Variants in HERC4 observed in about 807,000 individuals in gnomAD.
HERC4 encodes HECT and RLD domain containing E3 ubiquitin protein ligase 4.
A neutral mutation model predicts 124.3 loss-of-function variants in HERC4; 28 were observed. The ratio of observed to expected loss-of-function variants is 0.23; its 90% confidence interval spans 0.17 to 0.31. The LOEUF is 0.31. Ranked by LOEUF, HERC4 falls within the 10% of genes least tolerant of loss-of-function variation. HERC4 has a pLI of 1.00. For synonymous variants in HERC4, 407 were observed against 421.5 expected (o/e 0.97, Z 0.42); for missense variants, 713 against 1,229.3 (o/e 0.58, Z 6.28).
chr10:67,925,270 T>C, intron 23 of HERC4, 83 bp from the exon 24 acceptor site: 1 of 712,228 alleles, frequency 1.4e-6, no homozygotes, highest in South Asian at 2.1e-5. Flanking sequence ...GGTCCAGTAG[T>C]TTGCAACTTG....
Position 68,011,126 on chromosome 10 carries a change from G to C in HERC4, c.1069+2900C>G, listed in dbSNP as rs10997904. Among the ~76,000 whole-genome samples, 1,089 of 152,274 alleles carry C rather than the reference G, an allele frequency of 7.2e-3. 13 individuals carry two copies. The highest frequency in any genetic ancestry group is 0.01 in the Non-Finnish European group (708 of 68,030). ...CGCCCAGGCTGGAGTGCACTAGTAT[G>C]ATCATAGCTCACTGTAAACCTTCAA... On this transcript the variant is annotated intron_variant, in intron 9 of 24. Coordinates refer to ENST00000373700, the MANE Select transcript of HERC4 (RefSeq NM_015601.4).
At chr10:67,995,334 T>C (rs1372274587) in intron 9 of HERC4, 4 of 402,004 alleles carry the variant, frequency 1.0e-5, no homozygotes, top group South Asian at 1.6e-5. Flanking sequence ...CTTCATATTG[T>C]AGCTGAAGCA....
At chr10:68,034,265 A>T in intron 5 of HERC4, 79 bp from the exon 6 acceptor site, 1 of 991,812 alleles carries the variant, frequency 1.0e-6, no homozygotes. Flanking sequence ...TTTCATTTCA[A>T]ATTTCATATA....
chr10:67,970,307 A>T (rs1242545993), intron 15 of HERC4, among the ~76,000 whole-genome samples: 1 of 152,162 alleles, frequency 6.6e-6, no homozygotes, highest in African/African-American at 2.4e-5. Flanking sequence ...AATCAACTGA[A>T]CAGGCTGGGC....
chr10:68,043,638 A>AC (rs1319102615), intron 4 of HERC4, among the ~76,000 whole-genome samples: 2 of 151,960 alleles, frequency 1.3e-5, no homozygotes, highest in East Asian at 3.9e-4. Flanking sequence ...AACATGGTGA[A>AC]CCCCCATCTC....
At chr10:67,932,891 A>G (rs1286686413) in intron 22 of HERC4, 111 bp from the exon 23 acceptor site, 5 of 912,884 alleles carry the variant, frequency 5.5e-6, no homozygotes, top group Non-Finnish European at 8.0e-6. Flanking sequence ...CATATCTACG[A>G]AACTGAGAAT....
At chr10:67,988,862 TAA>T (rs774858406) in intron 14 of HERC4, 27 bp from the exon 15 acceptor site, 2 of 1,544,170 alleles carry the variant, frequency 1.3e-6, no homozygotes, top group African/African-American at 2.8e-5. Context: ...AACATGCAAA[TAA>T]AATGAATTTT....
At chr10:68,074,279 A>AT (rs1373505617) in intron 1 of HERC4, 1 of 152,210 alleles carries the variant, frequency 6.6e-6, no homozygotes, top group Non-Finnish European at 1.5e-5. Context: ...AGTCATCCAC[A>AT]TTCTTACAGA....
Position 67,922,976 on chromosome 10 carries a change from T to C in HERC4, c.3105A>G (p.Lys1035=), listed in dbSNP as rs201499570. The stretch of plus-strand genomic sequence containing the variant: ...CATTGTGATCAATAGCTTGGATCAG[T>C]TTAGAGCGTAGAGTTTCTTTTTCTG... ...KYTEKETLRS[K]LIQAIDHNEG... is the part of the protein sequence containing the mutation. Residue 1035 remains lysine (K), a synonymous_variant, in exon 25 of 25, where the codon AAA becomes AAG. Coordinates refer to ENST00000373700, the MANE Select transcript of HERC4 (RefSeq NM_015601.4). 3.1e-4 allele frequency: 497 copies of C among 1,613,770 alleles called. 2 individuals are homozygous for C. Among genetic ancestry groups the C allele is most frequent in the Middle Eastern group, 2.6e-3 (16 of 6,058 alleles).
At chr10:67,930,724 T>A (rs1452673172) in intron 23 of HERC4, among the ~76,000 whole-genome samples, 1 of 152,192 alleles carries the variant, frequency 6.6e-6, no homozygotes, top group Non-Finnish European at 1.5e-5. Context: ...TTCACATATA[T>A]CTTCCTCAAA....
Position 67,992,207 on chromosome 10 carries a change from C to A in HERC4, c.1263G>T (p.Glu421Asp). ...LSYPSGRFPV[E>D]IANEIDGTFS... Reference sequence around the variant, plus strand: ...CAAAATGCTTTTCTTACTTGGCTATCTCCACAGGAAACCTTCCAGAAGGAT... The same window carrying A: ...CAAAATGCTTTTCTTACTTGGCTATATCCACAGGAAACCTTCCAGAAGGAT... The change falls in exon 11 of 25, where the codon GAG (glutamate) becomes GAT (aspartate). Residue 421 changes from glutamate to aspartate, a missense_variant. Transcript: ENST00000373700. The A allele has an allele frequency of 6.2e-7, 1 of 1,613,594 alleles. No homozygotes were observed. Among genetic ancestry groups the A allele is most frequent in the Non-Finnish European group, 8.5e-7 (1 of 1,179,764 alleles).
intron 3 of HERC4, among the ~76,000 whole-genome samples, chr10:68,049,774 G>A (rs957136616): frequency 5.9e-5 from 9 of 151,900 alleles, no homozygotes; most frequent in Admixed American, 2.0e-4. Flanking sequence ...AGCCAGGCAT[G>A]GGGGCAAATG....
chr10:68,032,818 T>A lies in HERC4; in HGVS notation c.737A>T (p.Tyr246Phe). The change falls in exon 7 of 25, where the codon TAT becomes TTT. Residue 246 changes from tyrosine to phenylalanine, a missense_variant. Tyr to Phe is a conservative substitution (Grantham distance 22, BLOSUM62 3). Coordinates refer to ENST00000373700, the MANE Select transcript of HERC4 (RefSeq NM_015601.4). ...LKSLRSQKIVYICCGEDHTAA... is the reference protein window; with the variant it reads ...LKSLRSQKIVFICCGEDHTAA... ...AGTATGATCTTCTCCACAACAAATATAAACTATTTTCTGAGATCTTAGTGA... is the reference window on the plus strand; with the variant it reads ...AGTATGATCTTCTCCACAACAAATAAAAACTATTTTCTGAGATCTTAGTGA... 6.3e-7 allele frequency: 1 copy of A among 1,587,580 alleles called. No individual in the cohort carries two copies. The highest frequency in any genetic ancestry group is 1.3e-5 in the African/African-American group (1 of 74,462).
At chr10:68,059,555 A>AT (rs1338002429) in intron 3 of HERC4, among the ~76,000 whole-genome samples, 3 of 96,450 alleles carry the variant, frequency 3.1e-5, no homozygotes, top group African/African-American at 9.9e-5. Flanking sequence ...ATATCATAAT[A>AT]TATATCATAA....
chr10:67,960,296 G>C (rs983661007), intron 16 of HERC4, among the ~76,000 whole-genome samples: 21 of 152,256 alleles, frequency 1.4e-4, no homozygotes, highest in African/African-American at 4.6e-4. Flanking sequence ...TCTGCCTCTG[G>C]TTATCTTTCC....
chr10:67,941,217 A>T (rs2032856506), intron 19 of HERC4, 112 bp from the exon 20 acceptor site: 2 of 707,742 alleles, frequency 2.8e-6, no homozygotes, highest in Non-Finnish European at 2.2e-6. Context: ...AAAAGTAATA[A>T]ATAACAAAAG....
chr10:68,061,798 T>C (rs1407885389), intron 3 of HERC4, among the ~76,000 whole-genome samples: 2 of 141,930 alleles, frequency 1.4e-5, no homozygotes, highest in African/African-American at 5.3e-5. Flanking sequence ...GGAGAATCGC[T>C]TGAACCTTGG....
chr10:67,952,442 C>G (rs1380605666), intron 19 of HERC4, among the ~76,000 whole-genome samples: 1 of 152,000 alleles, frequency 6.6e-6, no homozygotes, highest in East Asian at 2.0e-4. Context: ...TACCACCACG[C>G]CCAGCTAATT....
intron 9 of HERC4, among the ~76,000 whole-genome samples, chr10:68,008,875 T>C (rs183900296): frequency 1.3e-5 from 2 of 152,242 alleles, no homozygotes; most frequent in Non-Finnish European, 2.9e-5. Context: ...AAAGCAAATA[T>C]CGCAATAATG....
Sources: gnomAD v4.1 joint callset for allele counts (sites outside exome capture counted in the v4.1 genomes callset) on GRCh38, gnomAD v4.1.1 for gene constraint, MANE v1.5 for transcripts, NCBI Gene and HGNC (gene_info 2026-07-23, HGNC 2026-07-21) for gene names.